Variants in DAAM1 observed in about 807,000 individuals in gnomAD.
The protein encoded by DAAM1 is disheveled-associated activator of morphogenesis 1.
In DAAM1, 52 loss-of-function variants were observed where a neutral mutation model predicts 130.0. The observed-to-expected ratio is 0.40, with a 90% CI of 0.32 to 0.50. The LOEUF (loss-of-function observed/expected upper bound fraction) is 0.50, where lower values mean the gene tolerates loss of function less well. DAAM1 is among the 20% of genes least tolerant of loss of function. DAAM1 has a pLI of 0.61. For missense variants in DAAM1, 1,134 were observed against 1,303.8 expected (o/e 0.87, Z 2.01); for synonymous variants, 452 against 444.5 (o/e 1.02, Z -0.21).
chr14:59,363,690 G>A lies in DAAM1; in HGVS notation c.2734G>A (p.Asp912Asn), dbSNP rs538723318. The A allele has an allele frequency of 6.2e-7, 1 of 1,614,160 alleles. No individual in the cohort carries two copies. The highest frequency in any genetic ancestry group is 1.3e-5 in the African/African-American group (1 of 75,052). ...YQKSQPPQPG[D>N]KFVSVVSQFI... Reference sequence around the variant, plus strand: ...GAAGTCTCAGCCCCCACAGCCCGGAGATAAGTTTGTGTCTGTTGTCAGCCA... The same window carrying A: ...GAAGTCTCAGCCCCCACAGCCCGGAAATAAGTTTGTGTCTGTTGTCAGCCA... The change falls in exon 23 of 25, where the codon GAT becomes AAT. Residue 912 changes from aspartate to asparagine, a missense_variant. Transcript: ENST00000360909.
chr14:59,340,082 A>G lies in DAAM1; in HGVS notation c.1977A>G (p.Ala659=). 2 of 1,613,380 alleles carry G rather than the reference A, an allele frequency of 1.2e-6. No individual in the cohort carries two copies. Among genetic ancestry groups the G allele is most frequent in the South Asian group, 2.2e-5 (2 of 91,060 alleles). The change falls in exon 16 of 25, where the codon GCA becomes GCG. Residue 659 remains alanine, a synonymous_variant. Coordinates refer to ENST00000360909, the MANE Select transcript of DAAM1 (RefSeq NM_001270520.2). ...TTTCATGCTCTTTACAGAAAGAAGCAGATGCCATTGATGACACTCTGAGTT... is the reference window on the plus strand; with the variant it reads ...TTTCATGCTCTTTACAGAAAGAAGCGGATGCCATTGATGACACTCTGAGTT... ...FSAYQRQQKE[A]DAIDDTLSSK... is the part of the protein sequence containing the mutation.
intron 1 of DAAM1, among the ~76,000 whole-genome samples, chr14:59,256,066 A>C (rs1029230440): frequency 1.3e-5 from 2 of 152,230 alleles, no homozygotes; most frequent in South Asian, 4.1e-4. Context: ...CAGTCATCTT[A>C]TAAATGTGTG....
At chr14:59,279,883 C>T (rs532970911) in intron 2 of DAAM1, among the ~76,000 whole-genome samples, 2 of 152,078 alleles carry the variant, frequency 1.3e-5, no homozygotes, top group South Asian at 2.1e-4. Context: ...TACTTTAAAT[C>T]AGTAAAAATA....
In DAAM1 at chr14:59,360,871, T is replaced by C. The variant is rs1406450002; in HGVS notation, c.2694+9T>C. ...TGAAAGCAGTAGAGACAGTGAGTAT[T>C]TTTTTGTTGTTGTTCTAATTCCTGG... On this transcript the variant is annotated intron_variant, in intron 22 of 24. Transcript: ENST00000360909. 6.2e-7 allele frequency: 1 copy of C among 1,612,538 alleles called. No homozygotes were observed. Among genetic ancestry groups the C allele is most frequent in the Admixed American group, 1.7e-5 (1 of 59,936 alleles).
chr14:59,287,467 CA>C (rs1395555945), intron 2 of DAAM1, among the ~76,000 whole-genome samples: 1 of 152,062 alleles, frequency 6.6e-6, no homozygotes, highest in Non-Finnish European at 1.5e-5. Flanking sequence ...TAAAAGGCTT[CA>C]AAATAAGAGA....
rs1285596919 is a variant in DAAM1 at position 59,369,577 on chromosome 14, A to T, written c.*718A>T. 5 of 152,362 alleles carry T rather than the reference A, an allele frequency of 3.3e-5. No individual in the cohort carries two copies. The highest frequency in any genetic ancestry group is 7.4e-5 in the Non-Finnish European group (5 of 67,936). The allele number at this position is 152,362 out of a possible 1,614,324, so 9.4% of individuals were successfully genotyped here. A position where few individuals can be genotyped will look rare whatever the true frequency, so the allele number is the denominator to read the frequency against. ...AAGTTATCTCTGCCAAGTGCTCTTG[A>T]TAATTTCTTCAGATTTTTGGAAAAA... is the stretch of plus-strand genomic sequence containing the variant. On this transcript the variant is annotated 3_prime_UTR_variant, in exon 25 of 25. Coordinates refer to ENST00000360909, the MANE Select transcript of DAAM1 (RefSeq NM_001270520.2).
At chr14:59,360,308 T>TA (rs1886653495) in intron 21 of DAAM1, among the ~76,000 whole-genome samples, 1 of 152,232 alleles carries the variant, frequency 6.6e-6, no homozygotes, top group African/African-American at 2.4e-5. Context: ...TAATACAACT[T>TA]TAAGAAAAAT....
chr14:59,368,775 T>A lies in DAAM1; in HGVS notation c.3123T>A (p.Ser1041=), dbSNP rs374449222. 6.2e-6 allele frequency: 10 copies of A among 1,613,920 alleles called. No individual in the cohort carries two copies. The African/African-American group carries it at 1.3e-4, about 22-fold the overall frequency. Residue 1041 remains serine (S), a synonymous_variant, in exon 25 of 25, where the codon TCT becomes TCA. Transcript: ENST00000360909. ...RSGEVFDKDL[S]KLKRNRKRIT... ...GAGAAGTGTTTGACAAAGACCTTTC[T>A]AAATTGAAACGGAATCGCAAACGTA... is the stretch of plus-strand genomic sequence containing the variant.
intron 1 of DAAM1, among the ~76,000 whole-genome samples, chr14:59,212,562 C>T (rs1174815383): frequency 6.6e-6 from 1 of 152,156 alleles, no homozygotes. Context: ...ACATGTTCTT[C>T]CCCCACTTCC....
At chr14:59,206,115 A>G (rs1888249091) in intron 1 of DAAM1, among the ~76,000 whole-genome samples, 2 of 152,116 alleles carry the variant, frequency 1.3e-5, no homozygotes, top group African/African-American at 2.4e-5. Context: ...TGGCCTCCCA[A>G]AGTTGCTGGG....
intron 16 of DAAM1, among the ~76,000 whole-genome samples, chr14:59,341,916 A>G (rs1885865005): frequency 6.6e-6 from 1 of 152,154 alleles, no homozygotes; most frequent in Non-Finnish European, 1.5e-5. Context: ...TTTAGAGTAA[A>G]AACTGTGACC....
chr14:59,278,328 A>G (rs1883059875), intron 2 of DAAM1, among the ~76,000 whole-genome samples: 1 of 152,156 alleles, frequency 6.6e-6, no homozygotes, highest in Admixed American at 6.5e-5. Flanking sequence ...TGATGGTTAG[A>G]TATTCATGAC....
chr14:59,274,382 A>G (rs1882860389), intron 2 of DAAM1, among the ~76,000 whole-genome samples: 1 of 145,450 alleles, frequency 6.9e-6, no homozygotes, highest in Non-Finnish European at 1.5e-5. Flanking sequence ...TGTAGAAGGA[A>G]AAGTCAGAAT....
chr14:59,267,717 G>A (rs1266717082), intron 2 of DAAM1, among the ~76,000 whole-genome samples: 1 of 151,968 alleles, frequency 6.6e-6, no homozygotes, highest in Non-Finnish European at 1.5e-5. Flanking sequence ...AATCTTCTTT[G>A]TGTCTCTGAG....
chr14:59,208,157 A>G (rs1044188942), intron 1 of DAAM1, among the ~76,000 whole-genome samples: 2 of 152,190 alleles, frequency 1.3e-5, no homozygotes, highest in Non-Finnish European at 2.9e-5. Flanking sequence ...AGATGACTGC[A>G]TTTATTTTCA....
intron 6 of DAAM1, 74 bp from the exon 7 acceptor site, chr14:59,324,054 T>G (rs539490717): frequency 1.6e-4 from 170 of 1,049,634 alleles, no homozygotes; most frequent in Non-Finnish European, 2.1e-4. Flanking sequence ...AGTTAACTTT[T>G]GAGTATAAAA....
chr14:59,246,519 G>A (rs1361996567), intron 1 of DAAM1, among the ~76,000 whole-genome samples: 1 of 152,150 alleles, frequency 6.6e-6, no homozygotes, highest in Non-Finnish European at 1.5e-5. Context: ...ACATGGGCAT[G>A]CAAATATCTG....
intron 1 of DAAM1, among the ~76,000 whole-genome samples, chr14:59,238,320 C>G (rs75957847): frequency 1.9e-3 from 283 of 152,292 alleles, no homozygotes; most frequent in African/African-American, 6.5e-3. Flanking sequence ...AAAAAAACGT[C>G]TGAGATCATC....
At chr14:59,366,785 A>G (rs1004367062) in intron 23 of DAAM1, among the ~76,000 whole-genome samples, 1 of 152,144 alleles carries the variant, frequency 6.6e-6, no homozygotes, top group African/African-American at 2.4e-5. Context: ...GCAGCGGCAC[A>G]TGCCTATAGT....
Sources: gnomAD v4.1 joint callset for allele counts (sites outside exome capture counted in the v4.1 genomes callset) on GRCh38, gnomAD v4.1.1 for gene constraint, MANE v1.5 for transcripts, NCBI Gene and HGNC (gene_info 2026-07-23, HGNC 2026-07-21) for gene names.